PTPRJ: variants seen among roughly 807,000 people sequenced by gnomAD.
The protein encoded by PTPRJ is receptor-type tyrosine-protein phosphatase eta.
A neutral mutation model predicts 141.3 loss-of-function variants in PTPRJ; 129 were observed. The observed-to-expected ratio is 0.91, with a 90% CI of 0.79 to 1.06. The LOEUF (loss-of-function observed/expected upper bound fraction) is 1.06. Among genes scored for constraint, PTPRJ ranks in the 50% least tolerant of loss-of-function variants. The probability of loss-of-function intolerance (pLI) is 0.00; values close to 1 mark genes in which losing one functional copy is unlikely to be tolerated. For synonymous variants in PTPRJ, 610 were observed against 640.5 expected (o/e 0.95, Z 0.72); for missense variants, 1,601 against 1,679.7 (o/e 0.95, Z 0.82).
intron 1 of PTPRJ, among the ~76,000 whole-genome samples, chr11:48,095,066 C>T (rs1242883486): frequency 6.6e-6 from 1 of 152,136 alleles, no homozygotes; most frequent in Non-Finnish European, 1.5e-5. Context: ...TTTGGACTTG[C>T]CTGTGGAAGC....
At chr11:48,124,020 G>T in intron 5 of PTPRJ, 150 bp downstream of exon 5, 2 of 886,132 alleles carry the variant, frequency 2.3e-6, no homozygotes, top group Non-Finnish European at 3.4e-6. Flanking sequence ...TCCCCCACCT[G>T]CATGAGGAAG....
chr11:48,127,247 A>T (rs1314815964), intron 6 of PTPRJ, among the ~76,000 whole-genome samples: 1 of 152,184 alleles, frequency 6.6e-6, no homozygotes, highest in East Asian at 1.9e-4. Context: ...CAGGTGGTGA[A>T]TAACTGGCAC....
rs140561244 is a variant in PTPRJ at position 48,045,882 on chromosome 11, C to G, written c.97-64176C>G. 5.6e-3 allele frequency among the ~76,000 whole-genome samples: 854 copies of G among 152,214 alleles called. 4 individuals are homozygous for G. Among genetic ancestry groups the G allele is most frequent in the Middle Eastern group, 0.01 (3 of 294 alleles). ...AGTGGAGGACAAAATGAAAATACCTCCTGATCGTGTTCAACCATTAGTTGA... is the reference window on the plus strand; with the variant it reads ...AGTGGAGGACAAAATGAAAATACCTGCTGATCGTGTTCAACCATTAGTTGA... On this transcript the variant is annotated intron_variant, in intron 1 of 24. Transcript: ENST00000418331.
intron 3 of PTPRJ, among the ~76,000 whole-genome samples, chr11:48,116,540 G>A (rs1305571405): frequency 6.6e-6 from 1 of 152,188 alleles, no homozygotes; most frequent in Non-Finnish European, 1.5e-5. Flanking sequence ...CAATAAGGAA[G>A]CATCAGACTT....
chr11:48,039,073 C>G (rs1331372625), intron 1 of PTPRJ, among the ~76,000 whole-genome samples: 1 of 150,294 alleles, frequency 6.7e-6, no homozygotes, highest in Non-Finnish European at 1.5e-5. Context: ...TCACCTGAAC[C>G]TGGGAGGCAG....
In PTPRJ at chr11:48,168,131, T is replaced by G. The variant is rs1853963501; in HGVS notation, c.*769T>G. Reference sequence around the variant, plus strand: ...CCTCCCAGTTTTCTCCAAAGACTCTTCTGTTGGCAACATTTTCAACCCATT... The same window carrying G: ...CCTCCCAGTTTTCTCCAAAGACTCTGCTGTTGGCAACATTTTCAACCCATT... On this transcript the variant is annotated 3_prime_UTR_variant, in exon 25 of 25. Coordinates refer to ENST00000418331, the MANE Select transcript of PTPRJ (RefSeq NM_002843.4). 1 of 152,086 alleles carries G rather than the reference T, an allele frequency of 6.6e-6. No homozygotes were observed. The highest frequency in any genetic ancestry group is 1.5e-5 in the Non-Finnish European group (1 of 68,026). The allele number at this position is 152,086 out of a possible 1,614,324, so 9.4% of individuals were successfully genotyped here.
At position 48,067,857 on chromosome 11, in the gene PTPRJ, G is replaced by A. The variant is rs139916928; in HGVS notation, c.97-42201G>A. ...ATAGGATAGGAGAAACTGAAAAAAGGGGAGGCGTGCGCTCCAACACCTCCA... is the reference window on the plus strand; with the variant it reads ...ATAGGATAGGAGAAACTGAAAAAAGAGGAGGCGTGCGCTCCAACACCTCCA... On this transcript the variant is annotated intron_variant, in intron 1 of 24. Transcript: ENST00000418331. Among the ~76,000 whole-genome samples the A allele has an allele frequency of 1.6e-4, 25 of 152,260 alleles. No individual in the cohort carries two copies. In the East Asian group the frequency reaches 4.8e-3, roughly 29 times the overall value.
chr11:48,146,821 T>G, intron 14 of PTPRJ, 55 bp from the exon 15 acceptor site: 2 of 1,456,354 alleles, frequency 1.4e-6, no homozygotes, highest in Non-Finnish European at 1.9e-6. Flanking sequence ...TTTTAGCACA[T>G]TGTGTGGTCT....
intron 3 of PTPRJ, among the ~76,000 whole-genome samples, chr11:48,116,262 C>T (rs1856564767): frequency 6.6e-6 from 1 of 152,062 alleles, no homozygotes; most frequent in Non-Finnish European, 1.5e-5. Context: ...TAAAGAGTGG[C>T]AGGAGTAGCT....
intron 3 of PTPRJ, among the ~76,000 whole-genome samples, chr11:48,118,205 C>G (rs759048221): frequency 1.3e-5 from 2 of 152,164 alleles, no homozygotes; most frequent in Non-Finnish European, 2.9e-5. Flanking sequence ...GCCTTAGCCT[C>G]TCAAGTAGCT....
At chr11:48,098,375 C>T (rs527270391) in intron 1 of PTPRJ, among the ~76,000 whole-genome samples, 34 of 152,278 alleles carry the variant, frequency 2.2e-4, no homozygotes, top group South Asian at 4.1e-4. Flanking sequence ...AGGCTTATGC[C>T]GAGGCTCACA....
rs1590568777 is a variant in PTPRJ, at chr11:48,158,971, A to C, written c.3439-959A>C. 6.6e-6 allele frequency among the ~76,000 whole-genome samples: 1 copy of C among 152,148 alleles called. No individual in the cohort carries two copies. Among genetic ancestry groups the C allele is most frequent in the Admixed American group, 6.5e-5 (1 of 15,274 alleles). Reference sequence around the variant, plus strand: ...TCTCAAACAAACACACAAACAAAAAACAGAAAACAAAACCCAAAACAACTC... The same window carrying C: ...TCTCAAACAAACACACAAACAAAAACCAGAAAACAAAACCCAAAACAACTC... On this transcript the variant is annotated intron_variant, in intron 21 of 24. Coordinates refer to ENST00000418331, the MANE Select transcript of PTPRJ (RefSeq NM_002843.4). The surrounding 1 kb of genome is among the most constrained non-coding windows in gnomAD (Gnocchi z 4.4).
intron 1 of PTPRJ, among the ~76,000 whole-genome samples, chr11:48,020,350 C>T (rs527258079): frequency 5.9e-5 from 9 of 152,290 alleles, no homozygotes; most frequent in Admixed American, 2.0e-4. Context: ...TTATGAAATA[C>T]GGAAATTTTT....
intron 1 of PTPRJ, among the ~76,000 whole-genome samples, chr11:48,108,132 G>C (rs1320224303): frequency 5.3e-5 from 8 of 152,170 alleles, no homozygotes; most frequent in Admixed American, 5.2e-4. Context: ...GCTGGGGAGA[G>C]TATGAGCTTC....
At chr11:48,083,016 G>C (rs960587578) in intron 1 of PTPRJ, among the ~76,000 whole-genome samples, 40 of 152,190 alleles carry the variant, frequency 2.6e-4, no homozygotes, top group Non-Finnish European at 5.9e-5. Flanking sequence ...TGACCTCTGA[G>C]GTTTACTCTT....
At chr11:48,067,864 G>A (rs1403068440) in intron 1 of PTPRJ, among the ~76,000 whole-genome samples, 5 of 152,274 alleles carry the variant, frequency 3.3e-5, no homozygotes, top group Non-Finnish European at 5.9e-5. Flanking sequence ...AAGGGGAGGC[G>A]TGCGCTCCAA....
At chr11:48,045,715 G>C (rs1297513733) in intron 1 of PTPRJ, among the ~76,000 whole-genome samples, 1 of 152,154 alleles carries the variant, frequency 6.6e-6, no homozygotes, top group East Asian at 1.9e-4. Context: ...AAGTTTCCCA[G>C]ACCCTTGTTG....
Position 48,153,705 on chromosome 11 carries a change from T to G in PTPRJ, c.3139-91T>G. On this transcript the variant is annotated intron_variant, in intron 18 of 24. Transcript: ENST00000418331. ...TTCAAAAACAACTTGTCTATGGGAC[T>G]GTTGGGCTGGTTTCACTGTCATATG... 5 of 805,354 alleles carry G rather than the reference T, an allele frequency of 6.2e-6. No individual in the cohort carries two copies. In the South Asian group the frequency reaches 7.3e-5, roughly 12 times the overall value. 49.9% of individuals were successfully genotyped at this position (805,354 alleles called of 1,614,324 possible).
At chr11:47,995,375 C>A (rs1854307602) in intron 1 of PTPRJ, among the ~76,000 whole-genome samples, 1 of 152,148 alleles carries the variant, frequency 6.6e-6, no homozygotes. Flanking sequence ...CTTTGAGGCA[C>A]AGGGGAGCTG....
Sources: allele counts gnomAD v4.1 joint callset (sites outside exome capture counted in the v4.1 genomes callset), GRCh38; gene constraint gnomAD v4.1.1; non-coding constraint Gnocchi (gnomAD v3.1); transcripts MANE v1.5; gene names NCBI Gene and HGNC (gene_info 2026-07-23, HGNC 2026-07-21).